SERPINB2: variants seen among roughly 807,000 people sequenced by gnomAD.
SERPINB2 encodes plasminogen activator inhibitor 2.
Under a neutral mutation model 39.4 loss-of-function variants are expected in SERPINB2, and 28 were observed. The observed-to-expected ratio is 0.71, with a 90% CI of 0.53 to 0.97. The LOEUF (loss-of-function observed/expected upper bound fraction) is 0.97, where lower values mean the gene tolerates loss of function less well. Among genes scored for constraint, SERPINB2 ranks in the 50% least tolerant of loss-of-function variants. SERPINB2 has a pLI of 0.00. For missense variants in SERPINB2, 557 were observed against 505.3 expected (o/e 1.10, Z -0.98); for synonymous variants, 209 against 175.1 (o/e 1.19, Z -1.53).
intron 7 of SERPINB2, 70 bp downstream of exon 7, chr18:63,902,638 C>T (rs1017518031): frequency 1.4e-5 from 19 of 1,356,756 alleles, no homozygotes. Flanking sequence ...AATATATACT[C>T]CTTACAAATG....
At position 63,902,995 on chromosome 18, in the gene SERPINB2, A is replaced by G. The variant is rs1297766053; in HGVS notation, c.938A>G (p.Lys313Arg). ...DEVEVYIPQFKLEEHYELRSI... is the reference protein window; with the variant it reads ...DEVEVYIPQFRLEEHYELRSI... ...GTTGAGGTATACATACCCCAGTTCAAATTAGAAGAGCATTATGAACTCAGA... is the reference window on the plus strand; with the variant it reads ...GTTGAGGTATACATACCCCAGTTCAGATTAGAAGAGCATTATGAACTCAGA... Residue 313 changes from lysine (K) to arginine (R), a missense_variant, in exon 8 of 8, where the codon AAA (lysine) becomes AGA (arginine). Lys to Arg is a conservative substitution (Grantham distance 26). Coordinates refer to ENST00000299502, the MANE Select transcript of SERPINB2 (RefSeq NM_002575.3). 5.6e-6 allele frequency: 9 copies of G among 1,613,738 alleles called. No individual in the cohort carries two copies. Among genetic ancestry groups the G allele is most frequent in the African/African-American group, 2.7e-5 (2 of 74,906 alleles).
At chr18:63,888,980 C>A (rs2049908965) in intron 1 of SERPINB2, among the ~76,000 whole-genome samples, 1 of 152,174 alleles carries the variant, frequency 6.6e-6, no homozygotes. Context: ...TCAGGAAACA[C>A]TGCATATGGG....
At chr18:63,897,377 C>G (rs997381201) in intron 4 of SERPINB2, among the ~76,000 whole-genome samples, 158 bp downstream of exon 4, 2 of 152,190 alleles carry the variant, frequency 1.3e-5, no homozygotes, top group Non-Finnish European at 2.9e-5. Flanking sequence ...CTTCCTGTAC[C>G]CTCTGGGGCT....
chr18:63,902,015 C>T (rs1323882027), intron 6 of SERPINB2, 133 bp downstream of exon 6: 3 of 855,304 alleles, frequency 3.5e-6, no homozygotes, highest in Non-Finnish European at 5.3e-6. Context: ...TTGATTGACT[C>T]TTTAGAAACA....
intron 2 of SERPINB2, among the ~76,000 whole-genome samples, chr18:63,894,749 T>C (rs1371035820): frequency 3.3e-5 from 5 of 152,244 alleles, no homozygotes; most frequent in Non-Finnish European, 7.3e-5. Context: ...TCTCTGTGTA[T>C]GAATATGGTA....
At chr18:63,901,257 C>G (rs973828323) in intron 5 of SERPINB2, among the ~76,000 whole-genome samples, 1 of 152,116 alleles carries the variant, frequency 6.6e-6, no homozygotes, top group African/African-American at 2.4e-5. Flanking sequence ...CTTCCTTTCT[C>G]ATCTCTTGTA....
chr18:63,887,897 G>T (rs550852678), intron 1 of SERPINB2, 127 bp downstream of exon 1: 1 of 152,314 alleles, frequency 6.6e-6, no homozygotes, highest in Admixed American at 6.5e-5. Flanking sequence ...TAAAATTTAA[G>T]TGGTGTTTTC....
Position 63,897,099 on chromosome 18 carries a change from T to C in SERPINB2, c.297T>C (p.Ala99=). ...SYPDAILQAQ[A]ADKIHSSFRS... ...CCTTCTTTCTTTTCAAGGCACAAGC[T>C]GCAGATAAAATCCATTCATCCTTCC... is the stretch of plus-strand genomic sequence containing the variant. The change falls in exon 4 of 8, where the codon GCT becomes GCC. Residue 99 remains alanine, a synonymous_variant. Coordinates refer to ENST00000299502, the MANE Select transcript of SERPINB2 (RefSeq NM_002575.3). 4 of 1,612,688 alleles carry C rather than the reference T, an allele frequency of 2.5e-6. No homozygotes were observed. The highest frequency in any genetic ancestry group is 3.4e-6 in the Non-Finnish European group (4 of 1,179,186).
At position 63,903,493 on chromosome 18, in the gene SERPINB2, A is replaced by G. The variant is rs950962693; in HGVS notation, c.*188A>G. On this transcript the variant is annotated 3_prime_UTR_variant, in exon 8 of 8. Coordinates refer to ENST00000299502, the MANE Select transcript of SERPINB2 (RefSeq NM_002575.3). ...TTGTCTATTATAACATGACAACCCT[A>G]TTAATCATTTGGTCTTCTAAAATGG... is the stretch of plus-strand genomic sequence containing the variant. 7.2e-5 allele frequency: 32 copies of G among 444,816 alleles called. No individual in the cohort carries two copies. Among genetic ancestry groups the G allele is most frequent in the African/African-American group, 5.7e-4 (28 of 48,992 alleles). The allele number at this position is 444,816 out of a possible 1,614,324, so 27.6% of individuals were successfully genotyped here.
chr18:63,901,933 C>T (rs1202259560), intron 6 of SERPINB2, 51 bp downstream of exon 6: 3 of 1,544,700 alleles, frequency 1.9e-6, no homozygotes, highest in Non-Finnish European at 2.6e-6. Context: ...GGGCTTTTGA[C>T]AAGATATAGA....
chr18:63,895,874 A>T (rs2049956388), intron 3 of SERPINB2, among the ~76,000 whole-genome samples: 1 of 152,144 alleles, frequency 6.6e-6, no homozygotes, highest in African/African-American at 2.4e-5. Flanking sequence ...CCTATCATAC[A>T]TCTATCAATC....
chr18:63,889,618 A>G (rs2049913073), intron 1 of SERPINB2, among the ~76,000 whole-genome samples: 1 of 152,096 alleles, frequency 6.6e-6, no homozygotes, highest in African/African-American at 2.4e-5. Flanking sequence ...TTTCCAAAAG[A>G]TATTGAGATA....
chr18:63,890,543 G>A (rs1241855424), intron 1 of SERPINB2: 2 of 152,274 alleles, frequency 1.3e-5, no homozygotes, highest in African/African-American at 4.8e-5. Flanking sequence ...CCTTGGGTGT[G>A]AGCATGCATT....
intron 5 of SERPINB2, 108 bp from the exon 6 acceptor site, chr18:63,901,632 A>G: frequency 2.7e-6 from 2 of 743,502 alleles, no homozygotes; most frequent in Non-Finnish European, 4.0e-6. Context: ...TTGAAGATTA[A>G]CAACTCTGCA....
intron 3 of SERPINB2, among the ~76,000 whole-genome samples, chr18:63,896,824 C>A (rs971092822): frequency 3.3e-5 from 5 of 152,138 alleles, no homozygotes; most frequent in Non-Finnish European, 5.9e-5. Context: ...TGAGAAGGGG[C>A]CTTTCTTCTA....
chr18:63,898,932 C>T lies in SERPINB2; in HGVS notation c.535+1088C>T, dbSNP rs116935621. On this transcript the variant is annotated intron_variant, in intron 5 of 7. Coordinates refer to ENST00000299502, the MANE Select transcript of SERPINB2 (RefSeq NM_002575.3). ...GAAATTAAAGAGGTGATGCAGTACA[C>T]TTATTATGCTATTCCCACACTAAAA... Among the ~76,000 whole-genome samples, 39 of 152,270 alleles carry T rather than the reference C, an allele frequency of 2.6e-4. No individual in the cohort carries two copies. In the East Asian group the frequency reaches 7.3e-3, roughly 29 times the overall value.
intron 5 of SERPINB2, among the ~76,000 whole-genome samples, chr18:63,900,598 T>C (rs2049985555): frequency 6.6e-6 from 1 of 152,186 alleles, no homozygotes; most frequent in African/African-American, 2.4e-5. Context: ...AGGGGCAGTT[T>C]ACGCAGAAAT....
chr18:63,896,444 T>G (rs2049959931), intron 3 of SERPINB2, among the ~76,000 whole-genome samples: 1 of 152,174 alleles, frequency 6.6e-6, no homozygotes, highest in African/African-American at 2.4e-5. Context: ...CTTTGTAAGA[T>G]CATTACTAAG....
At chr18:63,887,995 T>A (rs767549774) in intron 1 of SERPINB2, among the ~76,000 whole-genome samples, 9 of 152,340 alleles carry the variant, frequency 5.9e-5, no homozygotes, top group Non-Finnish European at 1.3e-4. Flanking sequence ...AGCCAACAAA[T>A]ACCTTTGTAG....
Sources: gnomAD v4.1 joint callset for allele counts (sites outside exome capture counted in the v4.1 genomes callset) on GRCh38, gnomAD v4.1.1 for gene constraint, MANE v1.5 for transcripts, NCBI Gene and HGNC (gene_info 2026-07-23, HGNC 2026-07-21) for gene names.